SETD1B: variants seen among roughly 807,000 people sequenced by gnomAD.
SETD1B encodes the protein SET domain containing 1B, histone lysine methyltransferase.
A neutral mutation model predicts 148.0 loss-of-function variants in SETD1B; 7 were observed. That is an observed-to-expected ratio of 0.05 (90% CI 0.03 to 0.09). SETD1B has a LOEUF of 0.09. SETD1B is among the 10% of genes least tolerant of loss of function. The pLI, the probability that SETD1B is intolerant of heterozygous loss-of-function variation, is 1.00. For missense variants in SETD1B, 2,155 were observed against 2,729.9 expected, an observed-to-expected ratio of 0.79 and a Z score of 4.69; for synonymous variants, 1,361 against 1,186.5, an observed-to-expected ratio of 1.15 and a Z score of -3.02.
At position 121,814,797 on chromosome 12, in the gene SETD1B, T is replaced by C; in HGVS notation, c.2582T>C (p.Val861Ala). Residue 861 changes from valine to alanine, a missense_variant, in exon 7 of 17, where the codon GTG becomes GCG. Coordinates refer to ENST00000604567, the MANE Select transcript of SETD1B (RefSeq NM_001353345.2). Reference protein sequence around the residue: ...PRQEDPHKATVDGVLLVVLKE... With the variant: ...PRQEDPHKATADGVLLVVLKE... ...CAGGAGGACCCACACAAAGCCACGG[T>C]GGATGGCGTCCTGCTGGTGGTCCTC... The C allele has an allele frequency of 6.4e-7, 1 of 1,551,516 alleles. No individual in the cohort carries two copies. Among genetic ancestry groups the C allele is most frequent in the Non-Finnish European group, 8.7e-7 (1 of 1,146,984 alleles).
Position 121,817,553 on chromosome 12 carries a change from G to A in SETD1B, c.3161G>A (p.Gly1054Glu), listed in dbSNP as rs1489563222. 2.6e-6 allele frequency: 4 copies of A among 1,551,294 alleles called. No homozygotes were observed. In the East Asian group the frequency reaches 9.8e-5, roughly 38 times the overall value. The change falls in exon 9 of 17, where the codon GGG (glycine) becomes GAG (glutamate). Residue 1054 changes from glycine (G) to glutamate (E), a missense_variant. Gly to Glu is a moderately conservative substitution (Grantham distance 98). Coordinates refer to ENST00000604567, the MANE Select transcript of SETD1B (RefSeq NM_001353345.2). This position sits in a 1 kb window ranked among gnomAD's most constrained non-coding sequence, Gnocchi z 8.1. Reference sequence around the variant, plus strand: ...TCCTCATCCGCGTCATCATCCTCGGGGTCCTCAACCACCTCACCCTCGTCC... The same window carrying A: ...TCCTCATCCGCGTCATCATCCTCGGAGTCCTCAACCACCTCACCCTCGTCC... ...SSSSSASSSS[G>E]SSTTSPSSSA...
At chr12:121,821,139 T>A (rs892142512) in intron 11 of SETD1B, among the ~76,000 whole-genome samples, 2 of 152,192 alleles carry the variant, frequency 1.3e-5, no homozygotes, top group Admixed American at 1.3e-4. Flanking sequence ...ATTCCACCAT[T>A]AACCACAGTC....
the SETD1B span, chr12:121,797,183 G>C: frequency 8.6e-6 from 3 of 347,900 alleles, no homozygotes; most frequent in Non-Finnish European, 1.7e-5. Flanking sequence ...CAGAGGCTGT[G>C]TCTCCACCCA....
chr12:121,819,315 C>T, intron 10 of SETD1B, 89 bp from the exon 11 acceptor site: 1 of 1,524,360 alleles, frequency 6.6e-7, no homozygotes, highest in Non-Finnish European at 8.8e-7. Context: ...GCCTGGGTGC[C>T]ACCAGTTTGA....
In SETD1B at chr12:121,817,850, G is replaced by C. The variant is rs764350016; in HGVS notation, c.3364G>C (p.Glu1122Gln). Reference protein sequence around the residue: ...DDRDESENDDEDTALSEASEK... With the variant: ...DDRDESENDDQDTALSEASEK... ...CCGGGACGAGTCTGAGAACGATGAC[G>C]AGGACACAGCCCTGTCAGAGGCGAG... The change falls in exon 10 of 17, where the codon GAG becomes CAG. Residue 1122 changes from glutamate to glutamine, a missense_variant. Around this residue, in one of 11 missense-constraint regions of SETD1B, gnomAD observed 862 missense variants for 873.8 expected, o/e 0.99. Transcript: ENST00000604567. The surrounding 1 kb of genome is among the most constrained non-coding windows in gnomAD (Gnocchi z 8.1). The C allele has an allele frequency of 2.6e-6, 4 of 1,551,084 alleles. No homozygotes were observed. The South Asian group carries it at 4.8e-5, about 18-fold the overall frequency.
In SETD1B at chr12:121,822,920, C is replaced by A. The variant is rs989421133; in HGVS notation, c.4341C>A (p.Val1447=). ...SEPSGPLLLP[V]CPLPTGRRDE... ...CCAGCGGGCCCTTGCTCCTGCCCGT[C>A]TGCCCACTCCCCACTGGCCGACGCG... The change falls in exon 12 of 17, where the codon GTC becomes GTA. Residue 1447 remains valine (V), a synonymous_variant. Transcript: ENST00000604567. 49 of 1,516,794 alleles carry A rather than the reference C, an allele frequency of 3.2e-5. No homozygotes were observed. Among genetic ancestry groups the A allele is most frequent in the Non-Finnish European group, 4.2e-5 (47 of 1,128,768 alleles). 94.0% of individuals were successfully genotyped at this position (1,516,794 alleles called of 1,614,324 possible).
At chr12:121,803,481 C>T (rs1875502891), upstream of SETD1B, 1 of 152,258 alleles carries the variant, frequency 6.6e-6, no homozygotes, top group South Asian at 2.1e-4. The surrounding 1 kb of genome is among the most constrained non-coding windows in gnomAD (Gnocchi z 4.7). Flanking sequence ...CCCAGCTCAG[C>T]TCCGGGGAGG....
chr12:121,815,843 TC>T (rs1259748619), intron 7 of SETD1B, among the ~76,000 whole-genome samples: 3 of 148,942 alleles, frequency 2.0e-5, no homozygotes, highest in Admixed American at 1.3e-4. Flanking sequence ...TTTTTTTTTT[TC>T]GGAGATGGAG....
chr12:121,820,879 C>T (rs374284925), intron 11 of SETD1B, among the ~76,000 whole-genome samples: 8 of 152,318 alleles, frequency 5.3e-5, no homozygotes, highest in Admixed American at 2.6e-4. Flanking sequence ...TTACAGCTGC[C>T]CCTGTACATT....
intron 11 of SETD1B, among the ~76,000 whole-genome samples, chr12:121,820,523 C>T (rs1336117539): frequency 6.6e-6 from 1 of 152,116 alleles, no homozygotes; most frequent in Non-Finnish European, 1.5e-5. Flanking sequence ...GCACCTACCT[C>T]TTTTTTTATT....
chr12:121,814,433 C>T lies in SETD1B; in HGVS notation c.2218C>T (p.Pro740Ser). Residue 740 changes from proline (P) to serine (S), a missense_variant, in exon 7 of 17, where the codon CCC (proline) becomes TCC (serine). Coordinates refer to ENST00000604567, the MANE Select transcript of SETD1B (RefSeq NM_001353345.2). ...AGCGCCGCCTGGAGTCCCGCCCCCACCCATCCTGCCACCACTGCCCCCCTT... is the reference window on the plus strand; with the variant it reads ...AGCGCCGCCTGGAGTCCCGCCCCCATCCATCCTGCCACCACTGCCCCCCTT... ...LPAPPGVPPPPILPPLPPFPP... is the reference protein window; with the variant it reads ...LPAPPGVPPPSILPPLPPFPP... 1 of 1,438,860 alleles carries T rather than the reference C, an allele frequency of 6.9e-7. No homozygotes were observed. The highest frequency in any genetic ancestry group is 2.9e-5 in the Admixed American group (1 of 34,868). 89.1% of individuals were successfully genotyped at this position (1,438,860 alleles called of 1,614,324 possible).
At position 121,814,621 on chromosome 12, in the gene SETD1B, C is replaced by T. The variant is rs756691801; in HGVS notation, c.2406C>T (p.Ala802=). 137 of 1,543,854 alleles carry T rather than the reference C, an allele frequency of 8.9e-5. No individual in the cohort carries two copies. Among genetic ancestry groups the T allele is most frequent in the South Asian group, 2.7e-4 (23 of 83,796 alleles). ...CPYPPFMAAA[A]AAASAGLQFV... The stretch of plus-strand genomic sequence containing the variant: ...ACCCGCCCTTCATGGCCGCTGCGGC[C>T]GCCGCTGCCTCAGCTGGGCTCCAGT... The change falls in exon 7 of 17, where the codon GCC becomes GCT. Residue 802 remains alanine (A), a synonymous_variant. Coordinates refer to ENST00000604567, the MANE Select transcript of SETD1B (RefSeq NM_001353345.2).
At chr12:121,801,083 T>C (rs899885456), upstream of SETD1B, 2 of 152,102 alleles carry the variant, frequency 1.3e-5, no homozygotes, top group South Asian at 4.1e-4. Context: ...CGGGCGGAGA[T>C]GCTGCGTCAT....
In SETD1B at chr12:121,804,911, G is replaced by A. The variant is rs1451088806; in HGVS notation, c.174G>A (p.Ala58=). ...ACGATGGGCAGCATTTCAGCCTGGC[G>A]GTGAGTAGCCGGCGCGCCCCCCCAG... ...YRYDGQHFSL[A]MSSNRPVEIV... The change falls in exon 2 of 17, where the codon GCG becomes GCA. Residue 58 remains alanine, a splice_region_variant and synonymous_variant. Coordinates refer to ENST00000604567, the MANE Select transcript of SETD1B (RefSeq NM_001353345.2). The surrounding 1 kb of genome is among the most constrained non-coding windows in gnomAD (Gnocchi z 4.6). The A allele has an allele frequency of 1.3e-6, 2 of 1,499,666 alleles. No homozygotes were observed. Among genetic ancestry groups the A allele is most frequent in the South Asian group, 1.3e-5 (1 of 76,632 alleles). The allele number at this position is 1,499,666 out of a possible 1,614,324, so 92.9% of individuals were successfully genotyped here.
chr12:121,799,722 G>GCGGGGGGGT (rs1237050060), upstream of SETD1B: 3 of 123,004 alleles, frequency 2.4e-5, no homozygotes, highest in Admixed American at 2.4e-4. Flanking sequence ...GCAGCTGGGG[G>GCGGGGGGGT]GGGGGGGGTG....
the SETD1B span, among the ~76,000 whole-genome samples, chr12:121,790,225 G>A: frequency 3.9e-5 from 6 of 152,388 alleles, no homozygotes; most frequent in East Asian, 1.2e-3. Flanking sequence ...TTGGTCCTGG[G>A]TGTGGAGAAA....
In SETD1B at chr12:121,807,749, C is replaced by T. The variant is rs114004056; in HGVS notation, c.545-459C>T. Among the ~76,000 whole-genome samples, 803 of 152,234 alleles carry T rather than the reference C, an allele frequency of 5.3e-3. 9 individuals are homozygous for T. The highest frequency in any genetic ancestry group is 0.018 in the African/African-American group (740 of 41,534). On this transcript the variant is annotated intron_variant, in intron 4 of 16. Coordinates refer to ENST00000604567, the MANE Select transcript of SETD1B (RefSeq NM_001353345.2). Reference sequence around the variant, plus strand: ...AGTTCACAGTAATGTGCTACTAGAGCGTGTTGCAAACTCTGCTGCTCACCT... The same window carrying T: ...AGTTCACAGTAATGTGCTACTAGAGTGTGTTGCAAACTCTGCTGCTCACCT...
chr12:121,823,889 C>T (rs1425062463), intron 12 of SETD1B, 140 bp downstream of exon 12: 4 of 1,268,092 alleles, frequency 3.2e-6, no homozygotes, highest in Non-Finnish European at 3.2e-6. Flanking sequence ...ACTTCCCAAG[C>T]AGGGTTTGTG....
rs779524219 is a variant in SETD1B, at chr12:121,827,593, G to A, written c.5412G>A (p.Leu1804=). 1 of 1,551,214 alleles carries A rather than the reference G, an allele frequency of 6.4e-7. No homozygotes were observed. Among genetic ancestry groups the A allele is most frequent in the South Asian group, 1.2e-5 (1 of 84,064 alleles). The change falls in exon 14 of 17, where the codon CTG becomes CTA. Residue 1804 remains leucine, a synonymous_variant. Transcript: ENST00000604567. ...AGCGGCGTTCGGAGCAGCGCCGCCT[G>A]CTGTCCTCCTTCACTGGCAGCTGTG... The part of the protein sequence containing the change: ...GSERRSEQRR[L]LSSFTGSCDS...
Sources: gnomAD v4.1 joint callset for allele counts (sites outside exome capture counted in the v4.1 genomes callset) on GRCh38, gnomAD v4.1.1 for gene constraint, gnomAD v4.1.1 regional missense constraint, Gnocchi (gnomAD v3.1) non-coding constraint, MANE v1.5 for transcripts, NCBI Gene and HGNC (gene_info 2026-07-23, HGNC 2026-07-21) for gene names.